Variants in AFG2A observed in about 807,000 individuals in gnomAD.
AFG2A encodes ATPase family gene 2 protein homolog A.
the AFG2A span, among the ~76,000 whole-genome samples, chr4:122,999,398 C>A: frequency 6.2e-3 from 934 of 151,768 alleles, 12 homozygotes; most frequent in African/African-American, 0.021. Context: ...CTATGTCCTG[C>A]ATGGTAATAC....
the AFG2A span, among the ~76,000 whole-genome samples, chr4:122,996,282 C>T: frequency 6.6e-6 from 1 of 152,144 alleles, no homozygotes; most frequent in South Asian, 2.1e-4. Flanking sequence ...ACTCCAAATA[C>T]ACATATATGC....
At chr4:123,070,547 C>A in the AFG2A span, among the ~76,000 whole-genome samples, 1 of 152,118 alleles carries the variant, frequency 6.6e-6, no homozygotes, top group Admixed American at 6.6e-5. Flanking sequence ...ACTGTGTCCT[C>A]ACGTAGTGAA....
At chr4:123,247,971 G>A in the AFG2A span, among the ~76,000 whole-genome samples, 2 of 152,042 alleles carry the variant, frequency 1.3e-5, no homozygotes, top group African/African-American at 4.8e-5. Context: ...AAAGCTTGCT[G>A]CAGTTAGTTG....
the AFG2A span, among the ~76,000 whole-genome samples, chr4:122,954,441 T>C: frequency 0.041 from 6,247 of 152,288 alleles, 417 homozygotes; most frequent in African/African-American, 0.14. Flanking sequence ...GGTCTGACTT[T>C]ATCTTGGTAG....
chr4:122,947,003 G>A, the AFG2A span, among the ~76,000 whole-genome samples: 1 of 152,060 alleles, frequency 6.6e-6, no homozygotes, highest in South Asian at 2.1e-4. Context: ...CTTTCTACAG[G>A]AGGAAGCATT....
chr4:123,247,007 C>G, the AFG2A span, among the ~76,000 whole-genome samples: 7 of 152,166 alleles, frequency 4.6e-5, no homozygotes, highest in African/African-American at 1.7e-4. Context: ...CTTAGAAATT[C>G]TCTTTCCATT....
chr4:123,188,113 T>C, the AFG2A span, among the ~76,000 whole-genome samples: 1 of 152,134 alleles, frequency 6.6e-6, no homozygotes, highest in Non-Finnish European at 1.5e-5. Flanking sequence ...TCATTTTTAT[T>C]CTTATCATTA....
At chr4:122,947,158 C>T in the AFG2A span, 3 of 1,402,772 alleles carry the variant, frequency 2.1e-6, no homozygotes, top group East Asian at 5.0e-5. Context: ...CTTGTCTATA[C>T]AGCCAGTGTG....
the AFG2A span, among the ~76,000 whole-genome samples, chr4:123,055,815 A>G: frequency 5.3e-5 from 8 of 152,350 alleles, no homozygotes; most frequent in Admixed American, 5.2e-4. Context: ...AAACATCCCC[A>G]CAACTGAGGT....
At chr4:123,245,040 G>C in the AFG2A span, among the ~76,000 whole-genome samples, 1 of 152,266 alleles carries the variant, frequency 6.6e-6, no homozygotes, top group African/African-American at 2.4e-5. Context: ...AGAATAACTA[G>C]GATTTTCCTG....
chr4:123,183,097 A>G, the AFG2A span, among the ~76,000 whole-genome samples: 3 of 152,192 alleles, frequency 2.0e-5, no homozygotes, highest in Non-Finnish European at 4.4e-5. Context: ...CTATCAATCT[A>G]TAATTTCAGA....
At chr4:123,136,404 C>T in the AFG2A span, among the ~76,000 whole-genome samples, 4 of 151,472 alleles carry the variant, frequency 2.6e-5, no homozygotes, top group Admixed American at 1.3e-4. Context: ...TGCGGTGGCT[C>T]ACCCCTATAA....
At chr4:123,210,910 G>A in the AFG2A span, among the ~76,000 whole-genome samples, 2 of 151,848 alleles carry the variant, frequency 1.3e-5, no homozygotes, top group Admixed American at 1.3e-4. Context: ...TACAACTTTG[G>A]CCTGTCAAAT....
the AFG2A span, chr4:123,317,589 C>G: frequency 6.6e-6 from 1 of 152,284 alleles, no homozygotes; most frequent in African/African-American, 2.4e-5. Context: ...TAACAGTTCT[C>G]CTAGGTGCAT....
chr4:123,141,063 C>G, the AFG2A span, among the ~76,000 whole-genome samples: 5 of 152,074 alleles, frequency 3.3e-5, no homozygotes, highest in Non-Finnish European at 7.4e-5. Flanking sequence ...CAGGCAAGGT[C>G]CACAGCATAT....
the AFG2A span, among the ~76,000 whole-genome samples, chr4:123,017,150 G>A: frequency 5.9e-5 from 5 of 84,214 alleles, no homozygotes; most frequent in Non-Finnish European, 1.1e-4. Context: ...AGAGGGAGAG[G>A]GGGGAGAGGG....
the AFG2A span, among the ~76,000 whole-genome samples, chr4:123,083,424 C>CGG: frequency 2.0e-5 from 3 of 151,832 alleles, no homozygotes; most frequent in Non-Finnish European, 4.4e-5. Flanking sequence ...TTTCTTCAGT[C>CGG]TTGATGAGAT....
the AFG2A span, among the ~76,000 whole-genome samples, chr4:123,040,700 G>C: frequency 6.6e-6 from 1 of 152,110 alleles, no homozygotes; most frequent in African/African-American, 2.4e-5. Context: ...AGAAGTATGA[G>C]AACATTTTGC....
the AFG2A span, among the ~76,000 whole-genome samples, chr4:123,073,566 T>A: frequency 1.1e-4 from 17 of 152,164 alleles, no homozygotes; most frequent in Non-Finnish European, 2.2e-4. Flanking sequence ...TTAGAAAGAA[T>A]CTCTTTTTAT....
Sources: gnomAD v4.1 joint callset for allele counts (sites outside exome capture counted in the v4.1 genomes callset) on GRCh38, gnomAD v4.1.1 for gene constraint, MANE v1.5 for transcripts, NCBI Gene and HGNC (gene_info 2026-07-23, HGNC 2026-07-21) for gene names.